Variants in SIPA1L1 observed in about 807,000 individuals in gnomAD.
The protein encoded by SIPA1L1 is signal-induced proliferation-associated 1-like protein 1.
In SIPA1L1, 26 loss-of-function variants were observed where a neutral mutation model predicts 162.7. That is an observed-to-expected ratio of 0.16 (90% CI 0.12 to 0.22). The LOEUF is 0.22. SIPA1L1 is among the 10% of genes least tolerant of loss of function. The probability of loss-of-function intolerance (pLI) is 1.00; values close to 1 mark genes in which losing one functional copy is unlikely to be tolerated. For synonymous variants in SIPA1L1, 829 were observed against 837.4 expected (o/e 0.99, Z 0.17); for missense variants, 1,874 against 2,241.0 (o/e 0.84, Z 3.31).
intron 2 of SIPA1L1, among the ~76,000 whole-genome samples, chr14:71,450,452 A>G (rs936860217): frequency 6.6e-6 from 1 of 152,220 alleles, no homozygotes; most frequent in African/African-American, 2.4e-5. Context: ...CAAACTTTCT[A>G]TATCATTAAG....
At chr14:71,401,016 C>A (rs892613403) in intron 2 of SIPA1L1, 1 of 152,184 alleles carries the variant, frequency 6.6e-6, no homozygotes, top group African/African-American at 2.4e-5. Flanking sequence ...AACGAAGGAG[C>A]AGTGCTTCCA....
chr14:71,339,818 G>A (rs1235365619), intron 2 of SIPA1L1, among the ~76,000 whole-genome samples: 2 of 152,146 alleles, frequency 1.3e-5, no homozygotes, highest in African/African-American at 4.8e-5. Flanking sequence ...CAGGCACTTT[G>A]TGTCACATTA....
At chr14:71,465,071 T>C (rs1031533356) in intron 2 of SIPA1L1, among the ~76,000 whole-genome samples, 3 of 152,166 alleles carry the variant, frequency 2.0e-5, no homozygotes, top group Non-Finnish European at 4.4e-5. Context: ...GTGGGGATGT[T>C]GCCGCTACTG....
At chr14:71,558,105 T>TA (rs2056494025) in intron 4 of SIPA1L1, among the ~76,000 whole-genome samples, 3 of 152,182 alleles carry the variant, frequency 2.0e-5, no homozygotes, top group Non-Finnish European at 2.9e-5. Context: ...TACTCTTACA[T>TA]CATATGTTTG....
intron 12 of SIPA1L1, 82 bp downstream of exon 12, chr14:71,672,704 G>A (rs1465525115): frequency 1.4e-6 from 2 of 1,431,802 alleles, no homozygotes; most frequent in Non-Finnish European, 1.9e-6. Context: ...AGCAGGTAGT[G>A]GAGTAGGGTG....
At chr14:71,656,298 G>A (rs1452533551) in intron 8 of SIPA1L1, among the ~76,000 whole-genome samples, 2 of 151,854 alleles carry the variant, frequency 1.3e-5, no homozygotes, top group Non-Finnish European at 1.5e-5. Context: ...GAACTAGCAG[G>A]CATATAAAGC....
At chr14:71,633,136 T>C (rs1240500617) in intron 7 of SIPA1L1, among the ~76,000 whole-genome samples, 1 of 136,886 alleles carries the variant, frequency 7.3e-6, no homozygotes, top group Non-Finnish European at 1.5e-5. Context: ...TGTTATGTTA[T>C]GTTATGTTAT....
chr14:71,471,604 CAGAG>C (rs779567969), intron 2 of SIPA1L1, among the ~76,000 whole-genome samples: 1 of 152,206 alleles, frequency 6.6e-6, no homozygotes, highest in Admixed American at 6.5e-5. Flanking sequence ...GGGAAACAAA[CAGAG>C]AGAGGTGACA....
At chr14:71,625,353 G>A (rs1277915223) in intron 7 of SIPA1L1, among the ~76,000 whole-genome samples, 1 of 149,164 alleles carries the variant, frequency 6.7e-6, no homozygotes, top group Non-Finnish European at 1.5e-5. Context: ...CAGGCGGAGT[G>A]CAGTGGCGCA....
In SIPA1L1 at chr14:71,562,123, A is replaced by C. The variant is rs961277068; in HGVS notation, c.-302-25448A>C. Among the ~76,000 whole-genome samples the C allele has an allele frequency of 5.3e-5, 8 of 151,918 alleles. No individual in the cohort carries two copies. The East Asian group carries it at 5.8e-4, about 11-fold the overall frequency. On this transcript the variant is annotated intron_variant, in intron 4 of 23. Transcript: ENST00000381232. ...AGTAATTATATATTTTATTCATAAT[A>C]TATATACTATATTGTCTCAATCTAT...
chr14:71,328,769 CTT>C (rs1387795300), intron 2 of SIPA1L1, among the ~76,000 whole-genome samples: 1 of 152,038 alleles, frequency 6.6e-6, no homozygotes, highest in African/African-American at 2.4e-5. Flanking sequence ...GTTGGCACTT[CTT>C]TTAAAAAAAT....
At chr14:71,713,732 G>C (rs1029919615) in intron 17 of SIPA1L1, among the ~76,000 whole-genome samples, 1 of 152,218 alleles carries the variant, frequency 6.6e-6, no homozygotes. Context: ...ACACTGGGCT[G>C]TCTGTGTGCC....
intron 2 of SIPA1L1, among the ~76,000 whole-genome samples, chr14:71,397,659 C>T (rs2041317521): frequency 6.6e-6 from 1 of 152,188 alleles, no homozygotes; most frequent in Admixed American, 6.5e-5. Flanking sequence ...GGAATCCTTC[C>T]AGCCTTCCAG....
intron 5 of SIPA1L1, among the ~76,000 whole-genome samples, chr14:71,604,574 A>G (rs1004633876): frequency 6.6e-6 from 1 of 152,254 alleles, no homozygotes; most frequent in Non-Finnish European, 1.5e-5. Context: ...CACTAAAAAA[A>G]GATGAGTTAT....
At chr14:71,628,564 C>T (rs952103312) in intron 7 of SIPA1L1, among the ~76,000 whole-genome samples, 3 of 152,222 alleles carry the variant, frequency 2.0e-5, no homozygotes, top group Admixed American at 1.3e-4. Flanking sequence ...TTAAGTATGA[C>T]TCTGCAGGTT....
chr14:71,446,894 G>GGTTTTTTTTTTTTTTTTTTTTTTTTT (rs2045394010), intron 2 of SIPA1L1, among the ~76,000 whole-genome samples: 1 of 87,406 alleles, frequency 1.1e-5, no homozygotes, highest in African/African-American at 4.4e-5. Context: ...GATGGGCTCT[G>GGTTTTTTTTTTTTTTTTTTTTTTTTT]TTTTTTTTTT....
At chr14:71,599,207 A>G (rs112585958) in intron 5 of SIPA1L1, among the ~76,000 whole-genome samples, 11,631 of 141,086 alleles carry the variant, frequency 0.082, 588 homozygotes, top group Middle Eastern at 0.14. Flanking sequence ...CTGGAGTGCA[A>G]TGGCACGATT....
intron 13 of SIPA1L1, among the ~76,000 whole-genome samples, chr14:71,690,187 A>G (rs1566659849): frequency 6.6e-6 from 1 of 152,134 alleles, no homozygotes; most frequent in Non-Finnish European, 1.5e-5. Flanking sequence ...GGACTTTTGA[A>G]CTTCACTGGG....
intron 4 of SIPA1L1, among the ~76,000 whole-genome samples, chr14:71,549,082 A>T (rs1234080832): frequency 6.6e-6 from 1 of 152,124 alleles, no homozygotes; most frequent in Non-Finnish European, 1.5e-5. Context: ...ATTAAACTTA[A>T]TAAGAGTTTA....
Sources: allele counts gnomAD v4.1 joint callset (sites outside exome capture counted in the v4.1 genomes callset), GRCh38; gene constraint gnomAD v4.1.1; transcripts MANE v1.5; gene names NCBI Gene and HGNC (gene_info 2026-07-23, HGNC 2026-07-21).